GPATCH2: variants seen among roughly 807,000 people sequenced by gnomAD.
GPATCH2 encodes the protein G patch domain-containing protein 2.
A neutral mutation model predicts 58.0 loss-of-function variants in GPATCH2; 51 were observed. The ratio of observed to expected loss-of-function variants is 0.88; its 90% CI spans 0.70 to 1.11. GPATCH2 has a LOEUF of 1.11. Ranked by LOEUF, GPATCH2 falls within the 50% of genes most tolerant of loss-of-function variation. The pLI, the probability that GPATCH2 is intolerant of heterozygous loss-of-function variation, is 0.00. For synonymous variants in GPATCH2, 222 were observed against 218.5 expected, an observed-to-expected ratio of 1.02 and a Z score of -0.14; for missense variants, 625 against 652.2, an observed-to-expected ratio of 0.96 and a Z score of 0.45.
At chr1:217,473,280 A>T (rs1306140839) in intron 8 of GPATCH2, among the ~76,000 whole-genome samples, 2 of 142,228 alleles carry the variant, frequency 1.4e-5, no homozygotes, top group Non-Finnish European at 3.1e-5. Context: ...GGTTTAGTTC[A>T]GTGTGTGTGT....
chr1:217,449,447 C>A (rs1659556555), intron 8 of GPATCH2, 110 bp from the exon 9 acceptor site: 2 of 690,512 alleles, frequency 2.9e-6, no homozygotes, highest in South Asian at 1.7e-5. Context: ...AAAGATGGAG[C>A]TGCGTAGTAA....
At chr1:217,515,785 A>G (rs1344112392) in intron 5 of GPATCH2, among the ~76,000 whole-genome samples, 2 of 133,354 alleles carry the variant, frequency 1.5e-5, no homozygotes, top group South Asian at 5.3e-4. Flanking sequence ...AAAAAAGACC[A>G]GTGACTTATT....
At chr1:217,618,631 C>A (rs1669017091) in intron 2 of GPATCH2, among the ~76,000 whole-genome samples, 2 of 151,786 alleles carry the variant, frequency 1.3e-5, no homozygotes, top group Admixed American at 6.6e-5. Flanking sequence ...AGCAAAAAAA[C>A]CCCAAAAAAA....
intron 1 of GPATCH2, among the ~76,000 whole-genome samples, chr1:217,627,291 T>C (rs1669514951): frequency 6.6e-6 from 1 of 152,032 alleles, no homozygotes; most frequent in Non-Finnish European, 1.5e-5. Context: ...ATAACCATAC[T>C]GGGAATCTTG....
chr1:217,554,883 T>C (rs1018750213), intron 5 of GPATCH2, among the ~76,000 whole-genome samples: 1 of 152,228 alleles, frequency 6.6e-6, no homozygotes, highest in African/African-American at 2.4e-5. Context: ...GTACAAACTT[T>C]TCCCTGCAAA....
chr1:217,431,871 G>A (rs1658553915), intron 9 of GPATCH2, among the ~76,000 whole-genome samples: 1 of 151,972 alleles, frequency 6.6e-6, no homozygotes, highest in African/African-American at 2.4e-5. Context: ...AAGCACAACT[G>A]GTGGCATCTT....
chr1:217,494,583 A>G (rs905060227), intron 7 of GPATCH2, among the ~76,000 whole-genome samples: 2 of 152,128 alleles, frequency 1.3e-5, no homozygotes, highest in Non-Finnish European at 2.9e-5. Flanking sequence ...TACTAAAAAT[A>G]GAAAAATTAG....
intron 6 of GPATCH2, among the ~76,000 whole-genome samples, chr1:217,504,601 T>C (rs1220279516): frequency 6.6e-6 from 1 of 152,184 alleles, no homozygotes; most frequent in Non-Finnish European, 1.5e-5. Context: ...ACATGAATTA[T>C]CTCATTCAAT....
chr1:217,613,782 G>A (rs1668746677), intron 3 of GPATCH2, among the ~76,000 whole-genome samples: 1 of 152,100 alleles, frequency 6.6e-6, no homozygotes, highest in African/African-American at 2.4e-5. Context: ...CCACCTTTAT[G>A]AATGCTTAAA....
chr1:217,472,524 G>T (rs137955596), intron 8 of GPATCH2, among the ~76,000 whole-genome samples: 2 of 151,930 alleles, frequency 1.3e-5, no homozygotes, highest in African/African-American at 4.8e-5. Context: ...AGATGGTCTC[G>T]ATCTCCTGAC....
chr1:217,610,014 CA>C, intron 5 of GPATCH2: 1 of 1,413,366 alleles, frequency 7.1e-7, no homozygotes, highest in Non-Finnish European at 9.2e-7. Context: ...ACCAGTCCTC[CA>C]GCAAAAACAG....
chr1:217,598,264 T>C (rs1255333948), intron 5 of GPATCH2, among the ~76,000 whole-genome samples: 3 of 152,122 alleles, frequency 2.0e-5, no homozygotes, highest in African/African-American at 7.2e-5. Flanking sequence ...GGTGCATGCC[T>C]GTAATCCCAG....
At chr1:217,490,611 A>G (rs1661677537) in intron 8 of GPATCH2, among the ~76,000 whole-genome samples, 1 of 152,070 alleles carries the variant, frequency 6.6e-6, no homozygotes, top group Middle Eastern at 3.2e-3. Flanking sequence ...TTCACTAATT[A>G]TCTCTTGAAC....
At chr1:217,472,912 A>G (rs1660794725) in intron 8 of GPATCH2, among the ~76,000 whole-genome samples, 1 of 152,128 alleles carries the variant, frequency 6.6e-6, no homozygotes, top group African/African-American at 2.4e-5. Flanking sequence ...AGTCCCCCCT[A>G]GAAACAGGAT....
chr1:217,601,164 G>A (rs1289546289), intron 5 of GPATCH2, among the ~76,000 whole-genome samples: 2 of 151,886 alleles, frequency 1.3e-5, no homozygotes, highest in South Asian at 2.1e-4. Flanking sequence ...CCTCTGTAGC[G>A]AAGTTCTTAC....
intron 5 of GPATCH2, among the ~76,000 whole-genome samples, chr1:217,605,436 T>C (rs573691031): frequency 6.6e-6 from 1 of 152,310 alleles, no homozygotes; most frequent in African/African-American, 2.4e-5. Flanking sequence ...TTTGGCAGAA[T>C]AACCACCAAT....
At chr1:217,521,484 C>G (rs1663456165) in intron 5 of GPATCH2, among the ~76,000 whole-genome samples, 1 of 152,006 alleles carries the variant, frequency 6.6e-6, no homozygotes, top group South Asian at 2.1e-4. Flanking sequence ...ATACTCTAGA[C>G]CTTGCCTGTA....
chr1:217,449,640 T>C (rs1239468797), intron 8 of GPATCH2, among the ~76,000 whole-genome samples: 1 of 152,190 alleles, frequency 6.6e-6, no homozygotes, highest in African/African-American at 2.4e-5. Context: ...GACAGGAAAA[T>C]AGCTAAGATT....
At chr1:217,573,318 A>G (rs1666653882) in intron 5 of GPATCH2, among the ~76,000 whole-genome samples, 1 of 152,158 alleles carries the variant, frequency 6.6e-6, no homozygotes, top group Non-Finnish European at 1.5e-5. Flanking sequence ...GGAAAGTTGC[A>G]TTAGAAGCAT....
Sources: allele counts gnomAD v4.1 joint callset (sites outside exome capture counted in the v4.1 genomes callset), GRCh38; gene constraint gnomAD v4.1.1; transcripts MANE v1.5; gene names NCBI Gene and HGNC (gene_info 2026-07-23, HGNC 2026-07-21).